The following TSG101 variants were observed in gnomAD, a reference collection of about 807,000 sequenced individuals.
The protein encoded by TSG101 is tumor susceptibility gene 101 protein.
TSG101 carries 19 observed loss-of-function variants against 48.5 expected under a neutral mutation model. The ratio of observed to expected loss-of-function variants is 0.39; its 90% CI spans 0.27 to 0.58. TSG101 has a LOEUF of 0.58. Ranked by LOEUF, TSG101 falls within the 20% of genes least tolerant of loss-of-function variation. The pLI, the probability that TSG101 is intolerant of heterozygous loss-of-function variation, is 0.55. For missense variants in TSG101, 365 were observed against 484.4 expected, an observed-to-expected ratio of 0.75 and a Z score of 2.31; for synonymous variants, 174 against 169.4, an observed-to-expected ratio of 1.03 and a Z score of -0.21.
intron 7 of TSG101, among the ~76,000 whole-genome samples, chr11:18,484,760 T>C (rs1299561999): frequency 6.6e-6 from 1 of 152,184 alleles, no homozygotes; most frequent in Non-Finnish European, 1.5e-5. Context: ...CCTCTGGATA[T>C]TTTCTTCAAA....
chr11:18,490,199 G>A lies in TSG101; in HGVS notation c.641-6127C>T. The A allele has an allele frequency of 7.3e-6, 3 of 412,898 alleles. No individual in the cohort carries two copies. The East Asian group carries it at 1.6e-4, about 22-fold the overall frequency. 25.6% of individuals were successfully genotyped at this position (412,898 alleles called of 1,614,324 possible). On this transcript the variant is annotated intron_variant, in intron 7 of 9. Coordinates refer to ENST00000251968, the MANE Select transcript of TSG101 (RefSeq NM_006292.4). ...AAGGGATATACGTGGAGGGTACAGA[G>A]TGACATTGAACAGATTACAAAGCAC... is the stretch of plus-strand genomic sequence containing the variant.
chr11:18,485,752 T>C (rs1849611405), intron 7 of TSG101, among the ~76,000 whole-genome samples: 1 of 152,218 alleles, frequency 6.6e-6, no homozygotes, highest in African/African-American at 2.4e-5. Flanking sequence ...TTGGAAACAG[T>C]GCTGAAAAGT....
At chr11:18,516,405 C>T (rs963135620) in intron 2 of TSG101, among the ~76,000 whole-genome samples, 4 of 151,438 alleles carry the variant, frequency 2.6e-5, no homozygotes, top group African/African-American at 7.3e-5. Flanking sequence ...AGTGCAATGG[C>T]GCGATTTTGG....
chr11:18,496,059 T>C (rs907480031), intron 7 of TSG101, among the ~76,000 whole-genome samples: 4 of 152,194 alleles, frequency 2.6e-5, no homozygotes, highest in East Asian at 1.9e-4. Flanking sequence ...TCACAACATA[T>C]GGAAGTGTCA....
chr11:18,503,451 C>A (rs533620479), intron 6 of TSG101, among the ~76,000 whole-genome samples: 6 of 149,388 alleles, frequency 4.0e-5, no homozygotes, highest in South Asian at 4.2e-4. Context: ...CAGCTCACTG[C>A]AAGCTCCACT....
At chr11:18,482,402 T>C (rs1422007907) in intron 8 of TSG101, among the ~76,000 whole-genome samples, 2 of 152,352 alleles carry the variant, frequency 1.3e-5, no homozygotes, top group East Asian at 3.9e-4. Context: ...GAGGCTCATT[T>C]TACAATCTAG....
chr11:18,492,542 A>G (rs1849713583), intron 7 of TSG101, among the ~76,000 whole-genome samples: 1 of 152,188 alleles, frequency 6.6e-6, no homozygotes. Flanking sequence ...TGTTCAGGCA[A>G]ATGCTACCAT....
rs574894917 is a variant in TSG101 at position 18,484,076 on chromosome 11, C to CA, written c.641-5dup. 196 of 1,613,676 alleles carry CA rather than the reference C, an allele frequency of 1.2e-4. 1 individual carries two copies. The South Asian group carries it at 2.1e-3, about 17-fold the overall frequency. ...ATTGTGCCATCCCTACTGGGACCTG[C>CA]AGGAAACAGAGGCAAAAAACACTTG... On this transcript the variant is annotated splice_polypyrimidine_tract_variant and splice_region_variant and intron_variant, in intron 7 of 9. Transcript: ENST00000251968.
intron 7 of TSG101, among the ~76,000 whole-genome samples, chr11:18,494,147 T>C (rs1849741030): frequency 6.6e-6 from 1 of 152,182 alleles, no homozygotes; most frequent in Non-Finnish European, 1.5e-5. Flanking sequence ...GGTATAAGTC[T>C]TGCTAAAATG....
chr11:18,505,552 C>T (rs934236406), intron 6 of TSG101, among the ~76,000 whole-genome samples: 1 of 152,000 alleles, frequency 6.6e-6, no homozygotes, highest in Non-Finnish European at 1.5e-5. Flanking sequence ...CATAGACCAC[C>T]TTTGGAGAGT....
At chr11:18,494,625 C>T (rs1440676659) in intron 7 of TSG101, among the ~76,000 whole-genome samples, 2 of 152,218 alleles carry the variant, frequency 1.3e-5, no homozygotes, top group African/African-American at 4.8e-5. Context: ...TCACTCATGA[C>T]TCACTGACTG....
intron 7 of TSG101, among the ~76,000 whole-genome samples, chr11:18,495,634 T>G (rs944596356): frequency 1.3e-5 from 2 of 151,958 alleles, no homozygotes; most frequent in African/African-American, 4.8e-5. Flanking sequence ...AAAGAATCTT[T>G]GTGTTAAGTT....
chr11:18,488,283 G>A (rs1447254477), intron 7 of TSG101, among the ~76,000 whole-genome samples: 3 of 152,112 alleles, frequency 2.0e-5, no homozygotes, highest in South Asian at 2.1e-4. Flanking sequence ...AGTGCATGAG[G>A]TTTTCTTTTC....
intron 7 of TSG101, among the ~76,000 whole-genome samples, chr11:18,499,181 G>A (rs1413213816): frequency 7.4e-6 from 1 of 134,942 alleles, no homozygotes; most frequent in African/African-American, 2.7e-5. Flanking sequence ...GAATAGAGAA[G>A]AGGATTCTTT....
intron 7 of TSG101, among the ~76,000 whole-genome samples, chr11:18,488,992 G>A (rs1279200204): frequency 3.7e-4 from 57 of 152,086 alleles, no homozygotes; most frequent in Admixed American, 3.0e-3. Context: ...GTGCGTGCCT[G>A]TAGTCCCAGC....
chr11:18,489,717 C>T (rs1360759654), intron 7 of TSG101, among the ~76,000 whole-genome samples: 2 of 152,194 alleles, frequency 1.3e-5, no homozygotes, highest in East Asian at 1.9e-4. Context: ...ACAGCCCAAA[C>T]AGGTCAAGTG....
chr11:18,489,000 A>C (rs967405913), intron 7 of TSG101, among the ~76,000 whole-genome samples: 17 of 151,944 alleles, frequency 1.1e-4, no homozygotes, highest in African/African-American at 3.9e-4. Flanking sequence ...CTGTAGTCCC[A>C]GCTACTTGGG....
At chr11:18,498,302 C>G (rs1449344852) in intron 7 of TSG101, among the ~76,000 whole-genome samples, 1 of 152,090 alleles carries the variant, frequency 6.6e-6, no homozygotes, top group African/African-American at 2.4e-5. Flanking sequence ...AGGTTTTGAG[C>G]AGAGGAGTGA....
chr11:18,499,870 TCTAG>T (rs1849861259), intron 7 of TSG101, among the ~76,000 whole-genome samples: 1 of 152,166 alleles, frequency 6.6e-6, no homozygotes. Context: ...TTTTAAGTCT[TCTAG>T]CTATTCTGAA....
Sources: allele counts gnomAD v4.1 joint callset (sites outside exome capture counted in the v4.1 genomes callset), GRCh38; gene constraint gnomAD v4.1.1; transcripts MANE v1.5; gene names NCBI Gene and HGNC (gene_info 2026-07-23, HGNC 2026-07-21).